HECW1: variants seen among roughly 807,000 people sequenced by gnomAD.
HECW1 encodes the protein HECT, C2 and WW domain containing E3 ubiquitin protein ligase 1, also known as E3 ubiquitin-protein ligase HECW1.
In HECW1, 61 loss-of-function variants were observed where a neutral mutation model predicts 182.3. The observed-to-expected ratio is 0.33, with a 90% CI of 0.27 to 0.41. The LOEUF is 0.41. Ranked by LOEUF, HECW1 falls within the 10% of genes least tolerant of loss-of-function variation. The pLI, the probability that HECW1 is intolerant of heterozygous loss-of-function variation, is 1.00. For synonymous variants in HECW1, 859 were observed against 832.6 expected (o/e 1.03, Z -0.55); for missense variants, 1,739 against 2,108.9 (o/e 0.82, Z 3.44).
chr7:43,375,029 T>C (rs1329055936), intron 6 of HECW1, among the ~76,000 whole-genome samples: 1 of 152,146 alleles, frequency 6.6e-6, no homozygotes, highest in Admixed American at 6.5e-5. Flanking sequence ...TTACCATTCA[T>C]TGCTCTAATA....
chr7:43,446,327 G>A (rs906875270), intron 11 of HECW1, among the ~76,000 whole-genome samples: 4 of 152,110 alleles, frequency 2.6e-5, no homozygotes, highest in Non-Finnish European at 2.9e-5. Flanking sequence ...TCATGCCTGT[G>A]GAATTATATG....
intron 14 of HECW1, 26 bp downstream of exon 14, chr7:43,463,825 C>T: frequency 6.2e-7 from 1 of 1,610,568 alleles, no homozygotes. Flanking sequence ...TCCCCACAAC[C>T]TGTGATGGCT....
At chr7:43,276,556 T>C (rs961470859) in intron 3 of HECW1, among the ~76,000 whole-genome samples, 5 of 152,254 alleles carry the variant, frequency 3.3e-5, no homozygotes, top group African/African-American at 7.2e-5. Flanking sequence ...CTGTGTCATG[T>C]GGAATTCCAT....
At chr7:43,198,742 TCTCA>T (rs1562663659) in intron 2 of HECW1, among the ~76,000 whole-genome samples, 2 of 148,752 alleles carry the variant, frequency 1.3e-5, no homozygotes, top group African/African-American at 5.0e-5. Context: ...CACCCCACAC[TCTCA>T]CACACTATAG....
chr7:43,263,351 G>A (rs1023976645), intron 3 of HECW1, among the ~76,000 whole-genome samples: 9 of 152,120 alleles, frequency 5.9e-5, no homozygotes, highest in African/African-American at 2.2e-4. Flanking sequence ...AATAATCTGA[G>A]CTCTGTTTGT....
chr7:43,115,299 C>CTTTT (rs34686016), intron 2 of HECW1, among the ~76,000 whole-genome samples: 95 of 138,160 alleles, frequency 6.9e-4, no homozygotes, highest in Middle Eastern at 3.8e-3. Context: ...TCAAACAGGT[C>CTTTT]TTTTTTTTTT....
chr7:43,547,885 A>G (rs2152957205), intron 26 of HECW1, among the ~76,000 whole-genome samples: 1 of 152,364 alleles, frequency 6.6e-6, no homozygotes, highest in South Asian at 2.1e-4. Context: ...AACACAGTGG[A>G]AAATATTCAG....
intron 26 of HECW1, among the ~76,000 whole-genome samples, chr7:43,547,439 C>A (rs1044776340): frequency 1.3e-5 from 2 of 151,844 alleles, no homozygotes; most frequent in African/African-American, 4.8e-5. Flanking sequence ...CTCAGCTACT[C>A]GGGAGGCTGA....
intron 2 of HECW1, among the ~76,000 whole-genome samples, chr7:43,189,828 G>A (rs1446919665): frequency 6.6e-6 from 1 of 152,170 alleles, no homozygotes; most frequent in Non-Finnish European, 1.5e-5. Flanking sequence ...CTCATAAAAT[G>A]TCAGTCAGGG....
At chr7:43,366,491 G>A (rs868468279) in intron 6 of HECW1, among the ~76,000 whole-genome samples, 1 of 152,182 alleles carries the variant, frequency 6.6e-6, no homozygotes, top group East Asian at 1.9e-4. Context: ...AAAATGTCCT[G>A]GAAAATACTT....
intron 24 of HECW1, among the ~76,000 whole-genome samples, chr7:43,519,712 TA>T (rs2152937324): frequency 6.6e-6 from 1 of 152,182 alleles, no homozygotes; most frequent in South Asian, 2.1e-4. Flanking sequence ...ATATGAGGCA[TA>T]AAAAAGACTG....
At chr7:43,320,794 T>C in intron 5 of HECW1, 52 bp downstream of exon 5, 1 of 1,302,616 alleles carries the variant, frequency 7.7e-7, no homozygotes. Context: ...GAAGCAGAAT[T>C]CAACTGTTTC....
intron 2 of HECW1, among the ~76,000 whole-genome samples, chr7:43,115,158 C>T (rs557156237): frequency 6.6e-6 from 1 of 152,152 alleles, no homozygotes; most frequent in Non-Finnish European, 1.5e-5. Context: ...GTTGGAAAGG[C>T]AAATAATTAT....
At chr7:43,209,149 T>A (rs1343531319) in intron 2 of HECW1, among the ~76,000 whole-genome samples, 1 of 151,088 alleles carries the variant, frequency 6.6e-6, no homozygotes, top group African/African-American at 2.4e-5. Context: ...CAAATTGTTT[T>A]ATGAAGCCAG....
chr7:43,553,086 C>T lies in HECW1; in HGVS notation c.4510+750C>T, dbSNP rs573499640. On this transcript the variant is annotated intron_variant, in intron 28 of 29. Transcript: ENST00000395891. ...TGCCACAACACGGTTCTAACCGTGG[C>T]CTTCACCAAAGCTAATGTCTAACCC... Among the ~76,000 whole-genome samples, 8 of 152,322 alleles carry T rather than the reference C, an allele frequency of 5.3e-5. No homozygotes were observed. In the East Asian group the frequency reaches 1.3e-3, roughly 26 times the overall value.
chr7:43,433,724 T>C (rs2076621740), intron 8 of HECW1, among the ~76,000 whole-genome samples: 1 of 152,234 alleles, frequency 6.6e-6, no homozygotes, highest in Admixed American at 6.5e-5. Flanking sequence ...GATGCTCTGA[T>C]GAAGAAATGA....
At chr7:43,284,862 G>C (rs1462113718) in intron 3 of HECW1, among the ~76,000 whole-genome samples, 1 of 152,128 alleles carries the variant, frequency 6.6e-6, no homozygotes, top group African/African-American at 2.4e-5. Context: ...GAGGAAAAAG[G>C]TTAAGAAACA....
intron 17 of HECW1, among the ~76,000 whole-genome samples, chr7:43,488,428 AAGAAAGAG>A (rs2078766321): frequency 9.3e-6 from 1 of 108,034 alleles, no homozygotes; most frequent in Non-Finnish European, 1.9e-5. Flanking sequence ...GAGAGAAAGA[AAGAAAGAG>A]AAAGAAAGAA....
At chr7:43,450,957 C>G (rs2077215304) in intron 12 of HECW1, 28 bp downstream of exon 12, 1 of 1,429,016 alleles carries the variant, frequency 7.0e-7, no homozygotes, top group Non-Finnish European at 9.9e-7. Flanking sequence ...AAATCTGTGT[C>G]TTAACTCTTC....
Sources: allele counts gnomAD v4.1 joint callset (sites outside exome capture counted in the v4.1 genomes callset), GRCh38; gene constraint gnomAD v4.1.1; transcripts MANE v1.5; gene names NCBI Gene and HGNC (gene_info 2026-07-23, HGNC 2026-07-21).